MCTP1: variants seen among roughly 807,000 people sequenced by gnomAD.
MCTP1 encodes the protein multiple C2 and transmembrane domain-containing protein 1.
In MCTP1, 69 loss-of-function variants were observed where a neutral mutation model predicts 120.6. The ratio of observed to expected loss-of-function variants is 0.57; its 90% confidence interval spans 0.47 to 0.70. MCTP1 has a LOEUF of 0.70. Ranked by LOEUF, MCTP1 falls within the 30% of genes least tolerant of loss-of-function variation. The probability of loss-of-function intolerance (pLI) is 0.00; values close to 1 mark genes in which losing one functional copy is unlikely to be tolerated. For missense variants in MCTP1, 1,203 were observed against 1,248.8 expected (o/e 0.96, Z 0.55); for synonymous variants, 529 against 493.1 (o/e 1.07, Z -0.96).
intron 6 of MCTP1, among the ~76,000 whole-genome samples, chr5:94,925,203 A>C (rs543558044): frequency 6.6e-5 from 10 of 152,204 alleles, no homozygotes; most frequent in Non-Finnish European, 1.3e-4. Context: ...TAACAATAAC[A>C]ACAACCACAA....
chr5:95,157,171 A>T (rs1582391183), intron 1 of MCTP1, among the ~76,000 whole-genome samples: 2 of 152,352 alleles, frequency 1.3e-5, no homozygotes, highest in South Asian at 2.1e-4. Flanking sequence ...TTTGGGTTAA[A>T]ATAGTCTTCA....
chr5:95,175,123 T>C (rs1375086966), intron 1 of MCTP1, among the ~76,000 whole-genome samples: 1 of 152,246 alleles, frequency 6.6e-6, no homozygotes, highest in Non-Finnish European at 1.5e-5. Flanking sequence ...ATTAAACTTA[T>C]ATTGCACTTT....
chr5:95,184,520 T>C (rs1034252135), intron 1 of MCTP1, among the ~76,000 whole-genome samples: 5 of 152,174 alleles, frequency 3.3e-5, no homozygotes, highest in Non-Finnish European at 7.3e-5. Flanking sequence ...TTCCCGGGTG[T>C]AGGGCAAACT....
At chr5:94,800,393 G>A (rs1248375803) in intron 17 of MCTP1, among the ~76,000 whole-genome samples, 1 of 152,172 alleles carries the variant, frequency 6.6e-6, no homozygotes, top group Non-Finnish European at 1.5e-5. Flanking sequence ...CATTTGATAG[G>A]TCAGGAGAGT....
chr5:95,094,543 A>T (rs1015070467), intron 1 of MCTP1, among the ~76,000 whole-genome samples: 1 of 152,204 alleles, frequency 6.6e-6, no homozygotes, highest in African/African-American at 2.4e-5. Flanking sequence ...AATTTTAAAT[A>T]ACTCATTCAT....
At chr5:95,209,078 A>G (rs1026039048) in intron 1 of MCTP1, among the ~76,000 whole-genome samples, 2 of 152,148 alleles carry the variant, frequency 1.3e-5, no homozygotes, top group Admixed American at 6.6e-5. Flanking sequence ...CTTGAGCTTG[A>G]TTTCCCCACA....
intron 10 of MCTP1, among the ~76,000 whole-genome samples, chr5:94,905,883 G>A (rs571748656): frequency 3.3e-5 from 5 of 152,160 alleles, no homozygotes; most frequent in Non-Finnish European, 5.9e-5. Flanking sequence ...TGCCCAAAGA[G>A]TGAGCTCCGA....
intron 1 of MCTP1, among the ~76,000 whole-genome samples, chr5:95,244,581 C>T (rs1292555042): frequency 6.6e-6 from 1 of 152,218 alleles, no homozygotes; most frequent in Non-Finnish European, 1.5e-5. Flanking sequence ...TCACTGCTAG[C>T]GCAACAGTCT....
At chr5:94,987,638 A>T (rs1830657934) in intron 2 of MCTP1, among the ~76,000 whole-genome samples, 1 of 152,216 alleles carries the variant, frequency 6.6e-6, no homozygotes, top group South Asian at 2.1e-4. Flanking sequence ...TTAAGGATGG[A>T]GTAATGTAGG....
intron 2 of MCTP1, among the ~76,000 whole-genome samples, chr5:94,961,286 AG>A (rs943683123): frequency 5.8e-5 from 8 of 136,828 alleles, no homozygotes; most frequent in Non-Finnish European, 7.9e-5. Context: ...GTGGGGGACA[AG>A]GGGAGGGATA....
At chr5:94,932,573 T>C (rs1039260202) in intron 5 of MCTP1, among the ~76,000 whole-genome samples, 4 of 152,094 alleles carry the variant, frequency 2.6e-5, no homozygotes, top group Admixed American at 6.6e-5. Context: ...CTAAGAAATA[T>C]GTATGGCCAA....
intron 10 of MCTP1, among the ~76,000 whole-genome samples, chr5:94,901,836 C>A (rs565075252): frequency 6.6e-6 from 1 of 152,100 alleles, no homozygotes; most frequent in African/African-American, 2.4e-5. Flanking sequence ...TGGGTGTGTT[C>A]GTATGAGTCC....
intron 19 of MCTP1, among the ~76,000 whole-genome samples, chr5:94,756,740 T>C (rs570941362): frequency 1.3e-5 from 2 of 152,316 alleles, no homozygotes; most frequent in Admixed American, 6.5e-5. Flanking sequence ...CTTTGAGTGA[T>C]TATGGGACTC....
intron 19 of MCTP1, among the ~76,000 whole-genome samples, chr5:94,715,684 A>G (rs902547967): frequency 1.3e-5 from 2 of 152,136 alleles, no homozygotes; most frequent in African/African-American, 4.8e-5. Context: ...GCAATTTTAG[A>G]CCCAAAGGAA....
chr5:95,124,843 T>C (rs1758505960), intron 1 of MCTP1, among the ~76,000 whole-genome samples: 1 of 152,232 alleles, frequency 6.6e-6, no homozygotes, highest in Non-Finnish European at 1.5e-5. Context: ...ATTTTCCTTC[T>C]CTTCTTATAT....
chr5:95,055,078 C>A (rs1313683506), intron 1 of MCTP1, among the ~76,000 whole-genome samples: 1 of 152,108 alleles, frequency 6.6e-6, no homozygotes, highest in African/African-American at 2.4e-5. Flanking sequence ...CTATAATACA[C>A]AAGCTGGAGC....
intron 18 of MCTP1, among the ~76,000 whole-genome samples, chr5:94,789,853 T>C (rs1010514901): frequency 1.3e-5 from 2 of 152,228 alleles, no homozygotes; most frequent in Non-Finnish European, 2.9e-5. Flanking sequence ...TTCAATAATA[T>C]TTGTTGAATG....
intron 17 of MCTP1, chr5:94,826,483 G>A (rs1235227391): frequency 4.3e-6 from 3 of 695,160 alleles, no homozygotes; most frequent in Non-Finnish European, 2.7e-6. Context: ...TGTCATCCTC[G>A]CCATTCAAAT....
chr5:95,215,913 G>T (rs1752988231), intron 1 of MCTP1, among the ~76,000 whole-genome samples: 1 of 151,902 alleles, frequency 6.6e-6, no homozygotes. Context: ...AATACCTAAA[G>T]AATTCAAAAC....
Sources: gnomAD v4.1 joint callset for allele counts (sites outside exome capture counted in the v4.1 genomes callset) on GRCh38, gnomAD v4.1.1 for gene constraint, MANE v1.5 for transcripts, NCBI Gene and HGNC (gene_info 2026-07-23, HGNC 2026-07-21) for gene names.